Variants in PTPRD observed in about 807,000 individuals in gnomAD.
PTPRD encodes protein tyrosine phosphatase receptor type D, also known as receptor-type tyrosine-protein phosphatase delta.
In PTPRD, 34 loss-of-function variants were observed where a neutral mutation model predicts 214.5. That is an observed-to-expected ratio of 0.16 (90% CI 0.12 to 0.21). The LOEUF is 0.21. PTPRD is among the 10% of genes least tolerant of loss of function. The pLI is 1.00. For missense variants in PTPRD, 2,545 were observed against 2,398.7 expected, an observed-to-expected ratio of 1.06 and a Z score of -1.27; for synonymous variants, 1,128 against 845.7, an observed-to-expected ratio of 1.33 and a Z score of -5.79.
chr9:8,619,849 T>C (rs1272622360), intron 14 of PTPRD, among the ~76,000 whole-genome samples: 3 of 152,038 alleles, frequency 2.0e-5, no homozygotes, highest in Admixed American at 6.6e-5. Context: ...TACACTCGAT[T>C]GTATCCTTTG....
chr9:8,514,580 A>C (rs1290095791), intron 21 of PTPRD, among the ~76,000 whole-genome samples: 1 of 151,398 alleles, frequency 6.6e-6, no homozygotes, highest in Non-Finnish European at 1.5e-5. Flanking sequence ...CACTGGAATA[A>C]TCTAATAGCT....
intron 12 of PTPRD, among the ~76,000 whole-genome samples, chr9:8,672,440 T>C (rs554407808): frequency 2.8e-4 from 42 of 152,302 alleles, no homozygotes; most frequent in African/African-American, 9.1e-4. Flanking sequence ...CCTTCAACTT[T>C]GTCTAAATGT....
At chr9:9,967,558 C>T (rs1205481414) in intron 4 of PTPRD, among the ~76,000 whole-genome samples, 4 of 152,160 alleles carry the variant, frequency 2.6e-5, no homozygotes, top group East Asian at 1.9e-4. Context: ...TTACAGTGAC[C>T]ATAAAAGATG....
At chr9:9,345,796 G>T (rs1024846579) in intron 9 of PTPRD, among the ~76,000 whole-genome samples, 4 of 152,084 alleles carry the variant, frequency 2.6e-5, no homozygotes, top group African/African-American at 9.7e-5. Flanking sequence ...ACTTCAGAAG[G>T]TTATTACAAT....
chr9:10,460,966 G>A (rs1286955812), intron 2 of PTPRD, among the ~76,000 whole-genome samples: 1 of 151,856 alleles, frequency 6.6e-6, no homozygotes, highest in Non-Finnish European at 1.5e-5. Context: ...AACAGACTGG[G>A]AAAAAACATA....
intron 8 of PTPRD, among the ~76,000 whole-genome samples, chr9:9,400,477 G>A (rs141462613): frequency 6.6e-5 from 10 of 151,870 alleles, no homozygotes; most frequent in East Asian, 5.8e-4. Context: ...TTTCAATGAC[G>A]TATAATTGTT....
chr9:10,596,486 C>A (rs1399824979), intron 2 of PTPRD, among the ~76,000 whole-genome samples: 1 of 151,338 alleles, frequency 6.6e-6, no homozygotes, highest in Non-Finnish European at 1.5e-5. Context: ...TGGTTATAAA[C>A]AATAACTAAT....
chr9:9,947,483 T>TATATATATA (rs2092841316), intron 4 of PTPRD, among the ~76,000 whole-genome samples: 3 of 26,394 alleles, frequency 1.1e-4, no homozygotes, highest in African/African-American at 5.8e-4. Context: ...ATATATATTT[T>TATATATATA]ATATATATTA....
At chr9:10,279,576 G>T (rs1401865188) in intron 3 of PTPRD, among the ~76,000 whole-genome samples, 1 of 151,708 alleles carries the variant, frequency 6.6e-6, no homozygotes, top group East Asian at 1.9e-4. Flanking sequence ...CTGGAGGTTG[G>T]TCATTTATAT....
chr9:10,113,943 T>C (rs1377650245), intron 3 of PTPRD, among the ~76,000 whole-genome samples: 1 of 152,208 alleles, frequency 6.6e-6, no homozygotes, highest in African/African-American at 2.4e-5. Context: ...TTTTTAATCC[T>C]AGAATGTTTG....
chr9:8,551,078 C>G (rs896861436), intron 14 of PTPRD, among the ~76,000 whole-genome samples: 1 of 152,128 alleles, frequency 6.6e-6, no homozygotes, highest in African/African-American at 2.4e-5. Flanking sequence ...AAGACTATCA[C>G]TTGGGGGTGG....
intron 8 of PTPRD, among the ~76,000 whole-genome samples, chr9:9,535,172 C>T (rs2154267365): frequency 6.6e-6 from 1 of 152,162 alleles, no homozygotes; most frequent in South Asian, 2.1e-4. Context: ...GAGTAATTTA[C>T]TCTGTGGATT....
rs150361884 is a variant in PTPRD, at chr9:10,501,935, C to A, written c.-600+110463G>T. 6.9e-3 allele frequency among the ~76,000 whole-genome samples: 1,048 copies of A among 151,960 alleles called. 10 individuals carry two copies. Among genetic ancestry groups the A allele is most frequent in the African/African-American group, 0.024 (1,010 of 41,510 alleles). On this transcript the variant is annotated intron_variant, in intron 2 of 45. Transcript: ENST00000381196. ...CTATCCCCTGAGAGATACTGATTTA[C>A]CTGGTCCATTATAGAGTTTTGACAT...
intron 3 of PTPRD, among the ~76,000 whole-genome samples, chr9:10,176,622 T>C (rs575936704): frequency 4.6e-5 from 7 of 152,060 alleles, no homozygotes; most frequent in African/African-American, 1.4e-4. Flanking sequence ...AGCACATAAA[T>C]CATACAAATA....
intron 33 of PTPRD, among the ~76,000 whole-genome samples, chr9:8,457,020 A>C (rs1188053819): frequency 6.6e-6 from 1 of 152,228 alleles, no homozygotes; most frequent in Non-Finnish European, 1.5e-5. Context: ...ACAGATATAC[A>C]GAATAAGAAC....
intron 2 of PTPRD, among the ~76,000 whole-genome samples, chr9:10,458,622 A>C (rs2098935468): frequency 6.6e-6 from 1 of 152,184 alleles, no homozygotes; most frequent in Non-Finnish European, 1.5e-5. Context: ...TTTTCCTTTA[A>C]CATCTGGTAC....
At chr9:9,137,558 T>C (rs973256734) in intron 10 of PTPRD, among the ~76,000 whole-genome samples, 5 of 152,168 alleles carry the variant, frequency 3.3e-5, no homozygotes, top group African/African-American at 1.2e-4. Flanking sequence ...CATAGAATAA[T>C]CAAGGGTGCA....
At chr9:8,360,220 G>C (rs940515661) in intron 39 of PTPRD, among the ~76,000 whole-genome samples, 1 of 152,134 alleles carries the variant, frequency 6.6e-6, no homozygotes, top group Admixed American at 6.5e-5. Context: ...CATTGAATTA[G>C]GTAAGGGTGA....
chr9:9,455,066 G>C (rs1373412908), intron 8 of PTPRD, among the ~76,000 whole-genome samples: 1 of 151,512 alleles, frequency 6.6e-6, no homozygotes, highest in African/African-American at 2.4e-5. Flanking sequence ...AATTTTAATG[G>C]ACAATGTTGA....
Sources: allele counts gnomAD v4.1 joint callset (sites outside exome capture counted in the v4.1 genomes callset), GRCh38; gene constraint gnomAD v4.1.1; transcripts MANE v1.5; gene names NCBI Gene and HGNC (gene_info 2026-07-23, HGNC 2026-07-21).